ABITRAM: variants seen among roughly 807,000 people sequenced by gnomAD.
ABITRAM encodes protein Abitram.
In ABITRAM, 19 loss-of-function variants were observed where a neutral mutation model predicts 22.9. That is an observed-to-expected ratio of 0.83 (90% CI 0.58 to 1.22). The LOEUF (loss-of-function observed/expected upper bound fraction) is 1.22, where lower values mean the gene tolerates loss of function less well. ABITRAM is among the 50% of genes most tolerant of loss of function. ABITRAM has a pLI of 0.00. For missense variants in ABITRAM, 215 were observed against 220.2 expected (o/e 0.98, Z 0.15); for synonymous variants, 70 against 73.9 (o/e 0.95, Z 0.27).
At chr9:108,944,194 T>G (rs1587938125), downstream of ABITRAM, among the ~76,000 whole-genome samples, 1 of 152,334 alleles carries the variant, frequency 6.6e-6, no homozygotes, top group South Asian at 2.1e-4. Flanking sequence ...TTTAACTGTT[T>G]TCAGAAGGAG....
intron 2 of ABITRAM, 26 bp downstream of exon 2, chr9:108,935,715 A>T: frequency 6.3e-7 from 1 of 1,596,234 alleles, no homozygotes; most frequent in Non-Finnish European, 8.6e-7. Context: ...ATTTTAAATT[A>T]TCAAAAATTT....
downstream of ABITRAM, chr9:108,943,835 A>G: frequency 1.2e-6 from 2 of 1,609,852 alleles, no homozygotes; most frequent in Non-Finnish European, 1.7e-6. Flanking sequence ...TAATTTAACA[A>G]GTTATAACAG....
At chr9:108,944,155 CTT>C (rs956773574), downstream of ABITRAM, 1 of 797,138 alleles carries the variant, frequency 1.3e-6, no homozygotes, top group African/African-American at 1.7e-5. Context: ...AACTCCTAAA[CTT>C]TTTCCAGTAC....
intron 3 of ABITRAM, chr9:108,948,038 C>A: frequency 1.1e-6 from 1 of 896,966 alleles, no homozygotes; most frequent in Non-Finnish European, 1.6e-6. Context: ...AGCCATCTAC[C>A]TTTCTACTTT....
chr9:108,936,360 A>C lies in ABITRAM; in HGVS notation c.184A>C (p.Thr62Pro), dbSNP rs775854895. The C allele has an allele frequency of 6.8e-6, 11 of 1,613,904 alleles. 1 individual carries two copies. The highest frequency in any genetic ancestry group is 2.7e-5 in the African/African-American group (2 of 74,926). The change falls in exon 3 of 6, where the codon ACA (threonine) becomes CCA (proline). Residue 62 changes from threonine to proline, a missense_variant. By Grantham distance (38) the Thr-to-Pro change is conservative. Coordinates refer to ENST00000322940, the MANE Select transcript of ABITRAM (RefSeq NM_017832.4). ...TCATCCAGTTCTTCAAAGTGGAAAA[A>C]CAATTAAAAGCATTTCCTATCAGAT... ...ESHPVLQSGK[T>P]IKSISYQIST...
At chr9:108,934,708 A>G in intron 1 of ABITRAM, 143 bp downstream of exon 1, 1 of 793,836 alleles carries the variant, frequency 1.3e-6, no homozygotes, top group Non-Finnish European at 2.0e-6. Context: ...TGTTCCGTCT[A>G]GCCCCAGGGA....
chr9:108,949,112 T>C (rs1226826210), intron 3 of ABITRAM, among the ~76,000 whole-genome samples: 2 of 152,168 alleles, frequency 1.3e-5, no homozygotes, highest in Non-Finnish European at 2.9e-5. Flanking sequence ...ATATAAATTA[T>C]TAAGACAACC....
At chr9:108,942,000 CTT>C (rs1830261471), downstream of ABITRAM, among the ~76,000 whole-genome samples, 1 of 152,172 alleles carries the variant, frequency 6.6e-6, no homozygotes, top group African/African-American at 2.4e-5. Flanking sequence ...CTTATTCTGT[CTT>C]TGTCTTCCAT....
At chr9:108,943,694 C>G (rs1229297177), downstream of ABITRAM, 3 of 1,600,880 alleles carry the variant, frequency 1.9e-6, no homozygotes, top group African/African-American at 4.1e-5. Context: ...TTTCATATGT[C>G]TCTTTTACCT....
At chr9:108,936,192 G>A (rs1430832856) in intron 2 of ABITRAM, 116 bp from the exon 3 acceptor site, 1 of 1,137,220 alleles carries the variant, frequency 8.8e-7, no homozygotes, top group South Asian at 1.5e-5. Flanking sequence ...GGAAAAAGGG[G>A]GAAGATGATA....
In ABITRAM at chr9:108,939,910, GTTCTCTTGC is replaced by G. The variant is rs1172925598; in HGVS notation, c.*225_*233del. On this transcript the variant is annotated 3_prime_UTR_variant, in exon 6 of 6. Coordinates refer to ENST00000322940, the MANE Select transcript of ABITRAM (RefSeq NM_017832.4). ...TCTGGCCTGCCCATGTACTCACACT[GTTCTCTTGC>G]ATCTCTCTAACAACTGGCATGCAAG... is the stretch of plus-strand genomic sequence containing the variant. 1 of 432,298 alleles carries G rather than the reference GTTCTCTTGC, an allele frequency of 2.3e-6. No individual in the cohort carries two copies. Among genetic ancestry groups the G allele is most frequent in the Non-Finnish European group, 4.1e-6 (1 of 246,086 alleles). The allele number at this position is 432,298 out of a possible 1,614,324, so 26.8% of individuals were successfully genotyped here. A position where few individuals can be genotyped will look rare whatever the true frequency, so the allele number is the denominator to read the frequency against.
chr9:108,947,104 G>GA (rs779451037), intron 3 of ABITRAM, among the ~76,000 whole-genome samples: 39 of 148,038 alleles, frequency 2.6e-4, no homozygotes, highest in Middle Eastern at 3.5e-3. Flanking sequence ...TAAAGTGATA[G>GA]AAATTTCTTT....
At chr9:108,935,116 C>T (rs1451950242) in intron 1 of ABITRAM, among the ~76,000 whole-genome samples, 1 of 152,114 alleles carries the variant, frequency 6.6e-6, no homozygotes, top group East Asian at 1.9e-4. Context: ...GTGGGAGCAT[C>T]GTTGGGGACT....
Position 108,936,387 on chromosome 9 carries a change from AGTACCAACT to A in ABITRAM, c.215_223del (p.Thr72_Cys74del). 2.5e-6 allele frequency: 4 copies of A among 1,614,070 alleles called. No homozygotes were observed. The highest frequency in any genetic ancestry group is 3.4e-6 in the Non-Finnish European group (4 of 1,179,972). On this transcript the variant is annotated inframe_deletion, in exon 3 of 6. Transcript: ENST00000322940. ...AATTAAAAGCATTTCCTATCAGATC[AGTACCAACT>A]GTAGCAGACTTCAGAACAAGGTCTC... is the stretch of plus-strand genomic sequence containing the variant.
rs939613365 is a variant in ABITRAM at position 108,935,657 on chromosome 9, T to G, written c.99T>G (p.Cys33Trp). The change falls in exon 2 of 6, where the codon TGT (cysteine) becomes TGG (tryptophan). Residue 33 changes from cysteine to tryptophan, a missense_variant. Coordinates refer to ENST00000322940, the MANE Select transcript of ABITRAM (RefSeq NM_017832.4). ...TTCTAGATGTCAAAGGAAAATTTTG[T>G]GAGGACCACTGTATACTACAGCACT... ...WYKPDVKGKF[C>W]EDHCILQHSN... The G allele has an allele frequency of 3.1e-6, 5 of 1,613,388 alleles. No homozygotes were observed. Among genetic ancestry groups the G allele is most frequent in the Non-Finnish European group, 4.2e-6 (5 of 1,179,544 alleles).
chr9:108,947,549 G>C (rs1020381772), intron 3 of ABITRAM, among the ~76,000 whole-genome samples: 1 of 152,098 alleles, frequency 6.6e-6, no homozygotes, highest in African/African-American at 2.4e-5. Flanking sequence ...GCTAACATGG[G>C]GATCAGGGAA....
chr9:108,934,528 G>T lies in ABITRAM; in HGVS notation c.42G>T (p.Ser14=), dbSNP rs1587932873. ...EPEAAEPVVP[S]LVDRYFTRWY... ...AAGCCGCGGAGCCGGTGGTGCCTTC[G>T]CTCGTGGATCGATACTTCACTCGCT... is the stretch of plus-strand genomic sequence containing the variant. Residue 14 remains serine, a synonymous_variant, in exon 1 of 6, where the codon TCG becomes TCT. Coordinates refer to ENST00000322940, the MANE Select transcript of ABITRAM (RefSeq NM_017832.4). The T allele has an allele frequency of 6.2e-7, 1 of 1,606,526 alleles. No homozygotes were observed. The highest frequency in any genetic ancestry group is 8.5e-7 in the Non-Finnish European group (1 of 1,177,412).
intron 3 of ABITRAM, among the ~76,000 whole-genome samples, chr9:108,950,037 A>C (rs940158836): frequency 1.3e-5 from 2 of 151,910 alleles, no homozygotes; most frequent in African/African-American, 4.8e-5. Flanking sequence ...AAAAAAAAAA[A>C]AAAAACCAGG....
intron 3 of ABITRAM, among the ~76,000 whole-genome samples, chr9:108,938,698 G>C (rs550023752): frequency 4.2e-5 from 6 of 144,464 alleles, no homozygotes; most frequent in African/African-American, 7.5e-5. Context: ...AAAGGGGGGG[G>C]GGGGAAAGAA....
Sources: gnomAD v4.1 joint callset for allele counts (sites outside exome capture counted in the v4.1 genomes callset) on GRCh38, gnomAD v4.1.1 for gene constraint, MANE v1.5 for transcripts, NCBI Gene and HGNC (gene_info 2026-07-23, HGNC 2026-07-21) for gene names.